Variants in REV3L observed in about 807,000 individuals in gnomAD.
REV3L encodes the protein REV3 like, DNA directed polymerase zeta catalytic subunit.
A neutral mutation model predicts 299.4 loss-of-function variants in REV3L; 69 were observed. The ratio of observed to expected loss-of-function variants is 0.23; its 90% CI spans 0.19 to 0.28. The LOEUF is 0.28. Among genes scored for constraint, REV3L ranks in the 10% least tolerant of loss-of-function variants. The pLI, the probability that REV3L is intolerant of heterozygous loss-of-function variation, is 1.00. For synonymous variants in REV3L, 1,238 were observed against 1,271.4 expected, an observed-to-expected ratio of 0.97 and a Z score of 0.56; for missense variants, 3,128 against 3,693.8, an observed-to-expected ratio of 0.85 and a Z score of 3.97.
At chr6:111,469,537 A>G (rs1356173855) in intron 1 of REV3L, among the ~76,000 whole-genome samples, 2 of 152,148 alleles carry the variant, frequency 1.3e-5, no homozygotes, top group Non-Finnish European at 2.9e-5. Context: ...CCCCTCCCAT[A>G]CCAACTCTGG....
intron 9 of REV3L, among the ~76,000 whole-genome samples, chr6:111,386,341 A>T (rs1325888579): frequency 6.6e-6 from 1 of 152,248 alleles, no homozygotes; most frequent in Non-Finnish European, 1.5e-5. Flanking sequence ...TAATGTTGAC[A>T]TAAAGATGCT....
chr6:111,328,184 A>G (rs539190905), intron 25 of REV3L, among the ~76,000 whole-genome samples: 5 of 152,366 alleles, frequency 3.3e-5, no homozygotes, highest in African/African-American at 7.2e-5. Flanking sequence ...TATCATTGCA[A>G]AAAAGGTTGT....
chr6:111,362,340 C>T (rs1220307740), intron 16 of REV3L, among the ~76,000 whole-genome samples: 1 of 152,040 alleles, frequency 6.6e-6, no homozygotes, highest in Non-Finnish European at 1.5e-5. Flanking sequence ...AAATTTTTCC[C>T]TCAGTTTATG....
At chr6:111,381,205 A>G in intron 10 of REV3L, 120 bp downstream of exon 10, 1 of 970,128 alleles carries the variant, frequency 1.0e-6, no homozygotes, top group East Asian at 2.5e-5. Context: ...TATTCAGTAG[A>G]GTGTTTACTG....
At chr6:111,467,143 C>A (rs776010477) in intron 1 of REV3L, among the ~76,000 whole-genome samples, 1 of 152,062 alleles carries the variant, frequency 6.6e-6, no homozygotes, top group Non-Finnish European at 1.5e-5. Flanking sequence ...AGAAAGGGTT[C>A]GACAACTTTA....
Position 111,372,971 on chromosome 6 carries a change from T to C in REV3L, c.5384A>G (p.Asn1795Ser), listed in dbSNP as rs1486379563. 1.9e-6 allele frequency: 3 copies of C among 1,614,068 alleles called. No individual in the cohort carries two copies. The highest frequency in any genetic ancestry group is 1.3e-5 in the African/African-American group (1 of 74,932). The change falls in exon 13 of 32, where the codon AAT (asparagine) becomes AGT (serine). Residue 1795 changes from asparagine to serine, a missense_variant. Physicochemically the swap from Asn to Ser is conservative, Grantham distance 46 (BLOSUM62 1). Around this residue, in one of 9 missense-constraint regions of REV3L, gnomAD observed 2,409 missense variants for 2,611.8 expected, o/e 0.92. Coordinates refer to ENST00000368802, the MANE Select transcript of REV3L (RefSeq NM_001372078.1). ...GGTGTGACCTTGAATCCAGTCTGAA[T>C]TGTTTGGCTGTGGGAGGCTAAGAAA... is the stretch of plus-strand genomic sequence containing the variant. ...EVFLSLPQPN[N>S]SDWIQGHTRK... is the part of the protein sequence containing the mutation.
At chr6:111,468,990 G>A (rs1294291927) in intron 1 of REV3L, among the ~76,000 whole-genome samples, 3 of 151,940 alleles carry the variant, frequency 2.0e-5, no homozygotes, top group African/African-American at 7.3e-5. Context: ...GTGAAACCCT[G>A]TCTCTACTAA....
intron 1 of REV3L, among the ~76,000 whole-genome samples, chr6:111,447,801 A>G (rs1359304852): frequency 6.6e-6 from 1 of 152,188 alleles, no homozygotes; most frequent in Non-Finnish European, 1.5e-5. Flanking sequence ...GCAGTCCTTG[A>G]TACATAATAG....
chr6:111,461,679 T>C (rs1383677806), intron 1 of REV3L, among the ~76,000 whole-genome samples: 5 of 152,038 alleles, frequency 3.3e-5, no homozygotes, highest in Admixed American at 2.0e-4. Context: ...AAGGTCCTAA[T>C]ACTACATATA....
At chr6:111,325,771 T>C (rs1380635639) in intron 25 of REV3L, among the ~76,000 whole-genome samples, 1 of 152,258 alleles carries the variant, frequency 6.6e-6, no homozygotes, top group African/African-American at 2.4e-5. Flanking sequence ...TTATCATTTA[T>C]TTGTGTTAGA....
At chr6:111,397,698 G>A (rs1376607800) in intron 4 of REV3L, among the ~76,000 whole-genome samples, 1 of 152,036 alleles carries the variant, frequency 6.6e-6, no homozygotes, top group African/African-American at 2.4e-5. Flanking sequence ...GTGCAGTGGT[G>A]TGACCACAGT....
intron 1 of REV3L, among the ~76,000 whole-genome samples, chr6:111,468,829 T>C (rs888096304): frequency 1.3e-5 from 2 of 152,138 alleles, no homozygotes; most frequent in African/African-American, 2.4e-5. Flanking sequence ...AGAATTCTGT[T>C]TACATAATGA....
chr6:111,465,048 C>A (rs929370176), intron 1 of REV3L, among the ~76,000 whole-genome samples: 1 of 150,840 alleles, frequency 6.6e-6, no homozygotes, highest in African/African-American at 2.4e-5. Flanking sequence ...AAAAGTCACA[C>A]ACTAAAGGAA....
intron 25 of REV3L, among the ~76,000 whole-genome samples, chr6:111,327,298 C>A (rs911724634): frequency 6.6e-6 from 1 of 152,008 alleles, no homozygotes; most frequent in Non-Finnish European, 1.5e-5. Flanking sequence ...CAAGCATGGT[C>A]GCTCACACCT....
intron 9 of REV3L, among the ~76,000 whole-genome samples, chr6:111,385,650 G>A (rs1562232473): frequency 1.3e-5 from 2 of 151,774 alleles, no homozygotes; most frequent in African/African-American, 4.8e-5. Flanking sequence ...GGGAAAAGAA[G>A]TTAACATTTT....
chr6:111,481,703 C>T (rs1391374002), intron 1 of REV3L, among the ~76,000 whole-genome samples: 1 of 152,152 alleles, frequency 6.6e-6, no homozygotes. Context: ...ACAACCTTTC[C>T]TAAGATGCAT....
intron 31 of REV3L, among the ~76,000 whole-genome samples, chr6:111,305,930 TA>T (rs1036077388): frequency 6.6e-5 from 10 of 152,176 alleles, no homozygotes; most frequent in Admixed American, 6.5e-4. Context: ...ACAAAACTGG[TA>T]AAAAATGGCT....
chr6:111,476,293 C>A (rs946151243), intron 1 of REV3L, among the ~76,000 whole-genome samples: 2 of 152,104 alleles, frequency 1.3e-5, no homozygotes, highest in African/African-American at 4.8e-5. Flanking sequence ...GTAGCTGGAA[C>A]CACAAACGTG....
At chr6:111,338,312 C>CTTTTTTTTTTTTTTTT (rs144497761) in intron 21 of REV3L, among the ~76,000 whole-genome samples, 4 of 47,940 alleles carry the variant, frequency 8.3e-5, no homozygotes, top group Admixed American at 2.2e-4. Context: ...GTCTAAAGTC[C>CTTTTTTTTTTTTTTTT]TTTTTTTTTT....
Sources: allele counts gnomAD v4.1 joint callset (sites outside exome capture counted in the v4.1 genomes callset), GRCh38; gene constraint gnomAD v4.1.1; regional missense constraint gnomAD v4.1.1; transcripts MANE v1.5; gene names NCBI Gene and HGNC (gene_info 2026-07-23, HGNC 2026-07-21).